GLRA3: variants seen among roughly 807,000 people sequenced by gnomAD.
GLRA3 encodes the protein glycine receptor alpha 3.
In GLRA3, 44 loss-of-function variants were observed where a neutral mutation model predicts 60.4. The ratio of observed to expected loss-of-function variants is 0.73; its 90% CI spans 0.57 to 0.94. The LOEUF (loss-of-function observed/expected upper bound fraction) is 0.94. Among genes scored for constraint, GLRA3 ranks in the 40% least tolerant of loss-of-function variants. The pLI, the probability that GLRA3 is intolerant of heterozygous loss-of-function variation, is 0.00. For missense variants in GLRA3, 508 were observed against 564.6 expected, an observed-to-expected ratio of 0.90 and a Z score of 1.02; for synonymous variants, 223 against 192.9, an observed-to-expected ratio of 1.16 and a Z score of -1.29.
chr4:174,805,917 G>A (rs1485937), intron 1 of GLRA3, among the ~76,000 whole-genome samples: 1 of 152,074 alleles, frequency 6.6e-6, no homozygotes, highest in Non-Finnish European at 1.5e-5. Context: ...TAATTCCAGA[G>A]AGCAATAAAA....
intron 9 of GLRA3, among the ~76,000 whole-genome samples, chr4:174,656,542 T>C (rs1254974263): frequency 2.0e-5 from 3 of 152,100 alleles, no homozygotes; most frequent in African/African-American, 7.2e-5. Context: ...AATATCCTTT[T>C]ATTGATGAGA....
intron 7 of GLRA3, among the ~76,000 whole-genome samples, chr4:174,662,838 T>C (rs201707854): frequency 2.2e-4 from 30 of 139,356 alleles, no homozygotes; most frequent in Admixed American, 1.1e-3. Flanking sequence ...TTTTTTTTTC[T>C]TTTTTTTTTT....
intron 1 of GLRA3, among the ~76,000 whole-genome samples, chr4:174,812,923 A>G (rs940180405): frequency 6.6e-6 from 1 of 152,152 alleles, no homozygotes; most frequent in African/African-American, 2.4e-5. Context: ...AAAAGGGTTC[A>G]GACAGCCTCT....
intron 5 of GLRA3, among the ~76,000 whole-genome samples, chr4:174,706,123 G>C (rs1434127427): frequency 6.6e-6 from 1 of 152,126 alleles, no homozygotes; most frequent in African/African-American, 2.4e-5. Flanking sequence ...CCAGCTACTC[G>C]GGAGGCTGAG....
At chr4:174,746,640 T>C (rs7685430) in intron 3 of GLRA3, among the ~76,000 whole-genome samples, 113,872 of 152,080 alleles carry the variant, frequency 0.75, 42,797 homozygotes, top group East Asian at 0.94. Flanking sequence ...TCACAGTAAC[T>C]GGAAGAGTTA....
At chr4:174,764,397 T>G (rs1422154326) in intron 3 of GLRA3, among the ~76,000 whole-genome samples, 1 of 152,084 alleles carries the variant, frequency 6.6e-6, no homozygotes, top group Non-Finnish European at 1.5e-5. Flanking sequence ...GATAATTACG[T>G]AGTTTTATTT....
intron 5 of GLRA3, among the ~76,000 whole-genome samples, chr4:174,701,110 T>C (rs2171138): frequency 0.77 from 116,417 of 152,074 alleles, 44,837 homozygotes; most frequent in South Asian, 0.82. Flanking sequence ...GGGACTTTCA[T>C]AGCTAGAGAG....
chr4:174,717,355 GA>G (rs1207900447), intron 4 of GLRA3, among the ~76,000 whole-genome samples: 2 of 127,256 alleles, frequency 1.6e-5, no homozygotes, highest in African/African-American at 5.6e-5. Flanking sequence ...AGGGAGGAAA[GA>G]AAGAAGGAAA....
chr4:174,693,576 T>C (rs1001865229), intron 5 of GLRA3, among the ~76,000 whole-genome samples: 1 of 152,202 alleles, frequency 6.6e-6, no homozygotes, highest in East Asian at 1.9e-4. Flanking sequence ...TAGTATAGTT[T>C]AAAGTTGGGT....
At chr4:174,691,856 G>A (rs376558544) in intron 5 of GLRA3, among the ~76,000 whole-genome samples, 62,623 of 149,442 alleles carry the variant, frequency 0.42, 13,542 homozygotes, top group Middle Eastern at 0.53. Context: ...GCCGCCCATC[G>A]TCTGGGATGT....
At chr4:174,798,543 A>C (rs987509725) in intron 1 of GLRA3, among the ~76,000 whole-genome samples, 1 of 152,248 alleles carries the variant, frequency 6.6e-6, no homozygotes, top group African/African-American at 2.4e-5. Context: ...GAATCATTGC[A>C]GTGAAGACAC....
intron 1 of GLRA3, among the ~76,000 whole-genome samples, chr4:174,801,223 T>C (rs1214201001): frequency 6.6e-6 from 1 of 152,074 alleles, no homozygotes; most frequent in Non-Finnish European, 1.5e-5. Context: ...AGTAAAATGC[T>C]CTTGTCAAGG....
At chr4:174,663,453 T>A (rs1733533915) in intron 7 of GLRA3, among the ~76,000 whole-genome samples, 2 of 152,230 alleles carry the variant, frequency 1.3e-5, no homozygotes, top group African/African-American at 4.8e-5. Context: ...CATAATGACA[T>A]GAACCACAGA....
chr4:174,737,884 T>A (rs753780126), intron 3 of GLRA3, among the ~76,000 whole-genome samples: 15 of 152,212 alleles, frequency 9.9e-5, no homozygotes, highest in Non-Finnish European at 2.2e-4. Context: ...AACCACTTAT[T>A]TTCTTTGGGA....
chr4:174,667,296 C>T (rs544982904), intron 7 of GLRA3, among the ~76,000 whole-genome samples: 1 of 152,098 alleles, frequency 6.6e-6, no homozygotes, highest in African/African-American at 2.4e-5. Context: ...TATGATAACT[C>T]CAGAGAAAGT....
At chr4:174,717,256 G>A (rs1735960106) in intron 4 of GLRA3, among the ~76,000 whole-genome samples, 1 of 141,872 alleles carries the variant, frequency 7.0e-6, no homozygotes. Context: ...AAGGAAGGGA[G>A]GGAGGGAGGG....
intron 7 of GLRA3, among the ~76,000 whole-genome samples, chr4:174,672,627 C>G (rs1291981921): frequency 6.6e-6 from 1 of 152,088 alleles, no homozygotes; most frequent in African/African-American, 2.4e-5. Flanking sequence ...AGATCTGAAA[C>G]CCACTCCACA....
chr4:174,760,974 T>G (rs979360), intron 3 of GLRA3, among the ~76,000 whole-genome samples: 143,986 of 152,194 alleles, frequency 0.95, 68,608 homozygotes, highest in East Asian at 1. Flanking sequence ...GCTACATGTG[T>G]ATACTTCAAT....
At position 174,643,220 on chromosome 4, in the gene GLRA3, T is replaced by C. The variant is rs1029339894; in HGVS notation, c.*566A>G. ...CAATTAAATTTAGTATTCCAAATCA[T>C]TAAAGTCTTTTAATGCTCTTATTTA... On this transcript the variant is annotated 3_prime_UTR_variant, in exon 10 of 10. Transcript: ENST00000274093. The C allele has an allele frequency of 1.4e-6, 1 of 720,740 alleles. No individual in the cohort carries two copies. The highest frequency in any genetic ancestry group is 1.7e-6 in the Non-Finnish European group (1 of 589,660). 44.6% of individuals were successfully genotyped at this position (720,740 alleles called of 1,614,324 possible). A position where few individuals can be genotyped will look rare whatever the true frequency, so the allele number is the denominator to read the frequency against.
Sources: gnomAD v4.1 joint callset for allele counts (sites outside exome capture counted in the v4.1 genomes callset) on GRCh38, gnomAD v4.1.1 for gene constraint, MANE v1.5 for transcripts, NCBI Gene and HGNC (gene_info 2026-07-23, HGNC 2026-07-21) for gene names.